The following SEL1L3 variants were observed in gnomAD, a reference collection of about 807,000 sequenced individuals.
SEL1L3 encodes SEL1L family member 3.
In SEL1L3, 76 loss-of-function variants were observed where a neutral mutation model predicts 142.8. The ratio of observed to expected loss-of-function variants is 0.53; its 90% CI spans 0.44 to 0.64. SEL1L3 has a LOEUF of 0.64. SEL1L3 is among the 30% of genes least tolerant of loss of function. The probability of loss-of-function intolerance (pLI) is 0.00; values close to 1 mark genes in which losing one functional copy is unlikely to be tolerated. For missense variants in SEL1L3, 1,262 were observed against 1,381.7 expected, an observed-to-expected ratio of 0.91 and a Z score of 1.37; for synonymous variants, 504 against 519.6, an observed-to-expected ratio of 0.97 and a Z score of 0.41.
intron 21 of SEL1L3, among the ~76,000 whole-genome samples, chr4:25,758,656 TTTTTCTTTC>T (rs1000131634): frequency 2.0e-5 from 3 of 151,552 alleles, no homozygotes; most frequent in African/African-American, 2.4e-5. Context: ...AATCCTGGGC[TTTTTCTTTC>T]TTTTCTTTCT....
chr4:25,838,075 G>C (rs1715947958), intron 2 of SEL1L3, among the ~76,000 whole-genome samples: 1 of 152,144 alleles, frequency 6.6e-6, no homozygotes, highest in South Asian at 2.1e-4. Context: ...AATATTTGAT[G>C]AATGAATGAA....
At chr4:25,815,582 G>A (rs1714338647) in intron 9 of SEL1L3, among the ~76,000 whole-genome samples, 1 of 152,164 alleles carries the variant, frequency 6.6e-6, no homozygotes, top group Non-Finnish European at 1.5e-5. Flanking sequence ...CTATTTTTAA[G>A]TAGGATCAGA....
In SEL1L3 at chr4:25,803,560, A is replaced by G. The variant is rs193004895; in HGVS notation, c.1776+981T>C. ...CTGTGCCATCGGGTACCCAGATGAA[A>G]CATCATTTCTGGATGTGTCTGTGAG... is the stretch of plus-strand genomic sequence containing the variant. On this transcript the variant is annotated intron_variant, in intron 10 of 23. Coordinates refer to ENST00000399878, the MANE Select transcript of SEL1L3 (RefSeq NM_015187.5). Among the ~76,000 whole-genome samples, 310 of 152,348 alleles carry G rather than the reference A, an allele frequency of 2.0e-3. 4 individuals carry two copies. Among genetic ancestry groups the G allele is most frequent in the African/African-American group, 7.0e-3 (292 of 41,578 alleles).
At chr4:25,714,011 T>G in the SEL1L3 span, among the ~76,000 whole-genome samples, 3 of 152,126 alleles carry the variant, frequency 2.0e-5, no homozygotes, top group African/African-American at 7.2e-5. Context: ...GAACCACCAG[T>G]GATGATGCAA....
At chr4:25,767,464 C>T in intron 19 of SEL1L3, 61 bp downstream of exon 19, 1 of 840,014 alleles carries the variant, frequency 1.2e-6, no homozygotes, top group South Asian at 1.5e-5. Context: ...TCAGATGTTC[C>T]CTGTTACTAA....
At chr4:25,835,362 GA>G in intron 2 of SEL1L3, 39 bp from the exon 3 acceptor site, 1 of 1,606,338 alleles carries the variant, frequency 6.2e-7, no homozygotes, top group Non-Finnish European at 8.5e-7. Context: ...ATTATATCCA[GA>G]AAAACATTCC....
chr4:25,804,399 C>T, intron 10 of SEL1L3, 142 bp downstream of exon 10: 1 of 662,714 alleles, frequency 1.5e-6, no homozygotes, highest in Admixed American at 2.5e-5. Context: ...TAACACAGCC[C>T]CAGGACATTT....
At chr4:25,756,323 C>G in intron 23 of SEL1L3, 1 of 985,312 alleles carries the variant, frequency 1.0e-6, no homozygotes, top group Non-Finnish European at 1.2e-6. Context: ...CATGAGTTAT[C>G]ACAAATGACA....
rs774239061 is a variant in SEL1L3, at chr4:25,765,336, C to T, written c.2945G>A (p.Gly982Glu). The change falls in exon 20 of 24, where the codon GGA becomes GAA. Residue 982 changes from glycine to glutamate, a missense_variant. By Grantham distance (98) the Gly-to-Glu change is moderately conservative. Coordinates refer to ENST00000399878, the MANE Select transcript of SEL1L3 (RefSeq NM_015187.5). ...VQMYAQAALD[G>E]DSQGFFNLAL... Reference sequence around the variant, plus strand: ...GCGGTTGCTGTTTACCTGGGAGTCTCCATCCAGGGCGGCTTGGGCGTACAT... The same window carrying T: ...GCGGTTGCTGTTTACCTGGGAGTCTTCATCCAGGGCGGCTTGGGCGTACAT... 6.2e-7 allele frequency: 1 copy of T among 1,611,082 alleles called. No individual in the cohort carries two copies. The highest frequency in any genetic ancestry group is 1.1e-5 in the South Asian group (1 of 91,002).
the SEL1L3 span, among the ~76,000 whole-genome samples, chr4:25,714,459 A>G: frequency 6.6e-6 from 1 of 151,282 alleles, no homozygotes; most frequent in African/African-American, 2.4e-5. Flanking sequence ...ATGTATATGG[A>G]CAATAAAATA....
intron 20 of SEL1L3, among the ~76,000 whole-genome samples, chr4:25,761,095 C>T (rs1224614119): frequency 6.6e-6 from 1 of 152,142 alleles, no homozygotes; most frequent in African/African-American, 2.4e-5. Flanking sequence ...ACTCACACAA[C>T]AGCAGAAAAT....
chr4:25,819,656 C>T (rs1209642655), intron 8 of SEL1L3, among the ~76,000 whole-genome samples, 152 bp downstream of exon 8: 1 of 151,880 alleles, frequency 6.6e-6, no homozygotes, highest in African/African-American at 2.4e-5. Flanking sequence ...TCACCTGTAT[C>T]CACCAGTGGA....
intron 7 of SEL1L3, among the ~76,000 whole-genome samples, chr4:25,820,375 G>A (rs1714670737): frequency 6.6e-6 from 1 of 152,198 alleles, no homozygotes; most frequent in Admixed American, 6.5e-5. Flanking sequence ...CTTCAGGACA[G>A]GCCCCCCTAG....
intron 2 of SEL1L3, among the ~76,000 whole-genome samples, chr4:25,840,197 A>G (rs1447351825): frequency 6.6e-6 from 1 of 152,182 alleles, no homozygotes; most frequent in Non-Finnish European, 1.5e-5. Flanking sequence ...TGTGTGTGAA[A>G]AAAGTGTTTC....
At chr4:25,716,816 T>C in the SEL1L3 span, among the ~76,000 whole-genome samples, 3 of 152,100 alleles carry the variant, frequency 2.0e-5, no homozygotes, top group African/African-American at 7.2e-5. Flanking sequence ...ACAAGTACAA[T>C]GGAATTAGAA....
chr4:25,736,213 T>TTGTGTGTGTGTGTGTGTGTGTG, the SEL1L3 span, among the ~76,000 whole-genome samples: 5,466 of 130,490 alleles, frequency 0.042, 340 homozygotes, highest in East Asian at 0.07. Context: ...TGCCATAAGA[T>TTGTGTGTGTGTGTGTGTGTGTG]TGTGTGTCTG....
At chr4:25,726,096 C>G in the SEL1L3 span, among the ~76,000 whole-genome samples, 1 of 152,004 alleles carries the variant, frequency 6.6e-6, no homozygotes, top group Admixed American at 6.6e-5. Flanking sequence ...CTGGTTTGAA[C>G]GCCTCTGATG....
Position 25,862,967 on chromosome 4 carries a change from C to G in SEL1L3, c.-131G>C. ...GCGCGGGGCCACCTGCCGCCACCTC[C>G]GGACCCGCCGCCGCCGCCACTGCCG... On this transcript the variant is annotated 5_prime_UTR_variant, in exon 1 of 24. Coordinates refer to ENST00000399878, the MANE Select transcript of SEL1L3 (RefSeq NM_015187.5). 1.8e-6 allele frequency: 1 copy of G among 547,220 alleles called. No homozygotes were observed. Among genetic ancestry groups the G allele is most frequent in the South Asian group, 7.4e-5 (1 of 13,538 alleles). 33.9% of individuals were successfully genotyped at this position (547,220 alleles called of 1,614,324 possible). A position where few individuals can be genotyped will look rare whatever the true frequency, so the allele number is the denominator to read the frequency against.
chr4:25,844,182 A>G (rs1366971522), intron 2 of SEL1L3, among the ~76,000 whole-genome samples: 1 of 152,118 alleles, frequency 6.6e-6, no homozygotes, highest in African/African-American at 2.4e-5. Context: ...ATTCTTGTTC[A>G]TCAAGAAGCC....
Sources: allele counts gnomAD v4.1 joint callset (sites outside exome capture counted in the v4.1 genomes callset), GRCh38; gene constraint gnomAD v4.1.1; transcripts MANE v1.5; gene names NCBI Gene and HGNC (gene_info 2026-07-23, HGNC 2026-07-21).